LAMB1: variants seen among roughly 807,000 people sequenced by gnomAD.
LAMB1 encodes laminin subunit beta-1.
LAMB1 carries 121 observed loss-of-function variants against 222.3 expected under a neutral mutation model. The ratio of observed to expected loss-of-function variants is 0.54; its 90% CI spans 0.47 to 0.63. The LOEUF is 0.63. LAMB1 is among the 30% of genes least tolerant of loss of function. The pLI, the probability that LAMB1 is intolerant of heterozygous loss-of-function variation, is 0.00. For missense variants in LAMB1, 2,172 were observed against 2,240.8 expected, an observed-to-expected ratio of 0.97 and a Z score of 0.62; for synonymous variants, 794 against 807.2, an observed-to-expected ratio of 0.98 and a Z score of 0.28.
At chr7:108,000,606 T>C (rs1428880010) in intron 3 of LAMB1, among the ~76,000 whole-genome samples, 1 of 152,258 alleles carries the variant, frequency 6.6e-6, no homozygotes, top group African/African-American at 2.4e-5. Flanking sequence ...TGCAGTGGAC[T>C]GATTATCGCT....
chr7:107,932,809 T>G (rs881176), intron 27 of LAMB1, among the ~76,000 whole-genome samples: 99,120 of 151,652 alleles, frequency 0.65, 32,673 homozygotes, highest in East Asian at 0.85. Context: ...TATGGTGACA[T>G]AAAAGATCTA....
At chr7:107,989,381 T>C (rs1031019649) in intron 5 of LAMB1, among the ~76,000 whole-genome samples, 1 of 152,190 alleles carries the variant, frequency 6.6e-6, no homozygotes, top group Non-Finnish European at 1.5e-5. Flanking sequence ...AAACCAACGC[T>C]TGACAGAAAT....
rs779698227 is a variant in LAMB1, at chr7:108,002,869, A to G, written c.17T>C (p.Leu6Ser). 4.3e-6 allele frequency: 7 copies of G among 1,614,184 alleles called. No individual in the cohort carries two copies. Among genetic ancestry groups the G allele is most frequent in the Non-Finnish European group, 5.9e-6 (7 of 1,180,024 alleles). Residue 6 changes from leucine to serine, a missense_variant, in exon 2 of 34, where the codon TTG becomes TCG. Coordinates refer to ENST00000222399, the MANE Select transcript of LAMB1 (RefSeq NM_002291.3). ...ATTACCTAAGAAACTGAAAGCTAGC[A>G]ACTGGAGAAGCCCCATGCCGGCTCC... MGLLQ[L>S]LAFSFLALCR... is the part of the protein sequence containing the mutation.
chr7:108,002,232 C>A (rs2034404257), intron 2 of LAMB1: 1 of 1,334,194 alleles, frequency 7.5e-7, no homozygotes, highest in Non-Finnish European at 9.9e-7. Context: ...TGCGTGCACG[C>A]GCGAGGGTCA....
At chr7:107,997,955 T>TG (rs1368853515) in intron 4 of LAMB1, among the ~76,000 whole-genome samples, 2 of 151,716 alleles carry the variant, frequency 1.3e-5, no homozygotes, top group Non-Finnish European at 2.9e-5. Flanking sequence ...AGGAAGGCAG[T>TG]GGGGGGAGGA....
chr7:107,985,693 C>G (rs148468369), intron 7 of LAMB1, among the ~76,000 whole-genome samples: 1 of 151,790 alleles, frequency 6.6e-6, no homozygotes, highest in Non-Finnish European at 1.5e-5. Flanking sequence ...CGTGGTGGCT[C>G]ATGCCTGTAA....
chr7:107,945,704 G>A (rs189343886), intron 24 of LAMB1, among the ~76,000 whole-genome samples: 1 of 152,344 alleles, frequency 6.6e-6, no homozygotes, highest in African/African-American at 2.4e-5. Flanking sequence ...TCTGAGATTA[G>A]TCAAGTGTGA....
intron 2 of LAMB1, 59 bp downstream of exon 2, chr7:108,002,790 G>T: frequency 6.2e-7 from 1 of 1,611,434 alleles, no homozygotes; most frequent in Admixed American, 1.7e-5. Context: ...GCAGCTTTTG[G>T]GTTTTCCTTC....
At chr7:107,985,497 C>T (rs1185742305) in intron 7 of LAMB1, among the ~76,000 whole-genome samples, 1 of 151,818 alleles carries the variant, frequency 6.6e-6, no homozygotes, top group Non-Finnish European at 1.5e-5. Flanking sequence ...GGCATGGTGG[C>T]GGGCACCTGT....
At chr7:107,951,118 A>T (rs1212894380) in intron 24 of LAMB1, 108 bp downstream of exon 24, 1 of 747,824 alleles carries the variant, frequency 1.3e-6, no homozygotes, top group Non-Finnish European at 2.3e-6. Context: ...ACAGGTTCTT[A>T]TAGACACGTT....
chr7:107,929,483 C>G lies in LAMB1; in HGVS notation c.4674G>C (p.Glu1558Asp). The change falls in exon 30 of 34, where the codon GAG (glutamate) becomes GAC (aspartate). Residue 1558 changes from glutamate (E) to aspartate (D), a missense_variant. Coordinates refer to ENST00000222399, the MANE Select transcript of LAMB1 (RefSeq NM_002291.3). ...RERVESLSQVEVILQHSAADI... is the reference protein window; with the variant it reads ...RERVESLSQVDVILQHSAADI... ...CAGCAGCACTATGCTGAAGAATAAC[C>G]TCTACTTGAGAAAGGCTTTCAACTC... 6.2e-7 allele frequency: 1 copy of G among 1,614,126 alleles called. No homozygotes were observed.
chr7:107,980,994 A>C lies in LAMB1; in HGVS notation c.677-183T>G, dbSNP rs561204185. 9.2e-5 allele frequency among the ~76,000 whole-genome samples: 14 copies of C among 152,276 alleles called. No individual in the cohort carries two copies. The East Asian group carries it at 2.7e-3, about 29-fold the overall frequency. On this transcript the variant is annotated intron_variant, in intron 7 of 33. Coordinates refer to ENST00000222399, the MANE Select transcript of LAMB1 (RefSeq NM_002291.3). ...AACATAACATGACTGCAAAGAGGAA[A>C]GGTTACTGCCCTCTCATCAGTTTCA...
At chr7:107,933,344 G>T (rs1293223610) in intron 27 of LAMB1, among the ~76,000 whole-genome samples, 2 of 152,084 alleles carry the variant, frequency 1.3e-5, no homozygotes, top group Non-Finnish European at 2.9e-5. Flanking sequence ...GTACAAAAAA[G>T]TAGTTTTTAA....
chr7:107,935,786 T>G, intron 26 of LAMB1, 130 bp from the exon 27 acceptor site: 1 of 1,039,618 alleles, frequency 9.6e-7, no homozygotes, highest in Non-Finnish European at 1.4e-6. Flanking sequence ...AAAAAATATT[T>G]ATGAAGTACA....
intron 13 of LAMB1, among the ~76,000 whole-genome samples, chr7:107,970,427 G>C (rs917629952): frequency 1.5e-4 from 20 of 135,652 alleles, no homozygotes; most frequent in Admixed American, 1.4e-3. Flanking sequence ...GGCGGAGGTT[G>C]CAGTGAGCCA....
chr7:107,949,042 A>G (rs2033186725), intron 24 of LAMB1, among the ~76,000 whole-genome samples: 1 of 152,226 alleles, frequency 6.6e-6, no homozygotes, highest in Non-Finnish European at 1.5e-5. Flanking sequence ...TTTCCTGATG[A>G]AAAGTTTCTT....
At chr7:107,969,495 A>T (rs2033702086) in intron 13 of LAMB1, among the ~76,000 whole-genome samples, 1 of 152,210 alleles carries the variant, frequency 6.6e-6, no homozygotes, top group Non-Finnish European at 1.5e-5. Flanking sequence ...TCAGGGTGGC[A>T]TTCCTCCCCA....
intron 8 of LAMB1, among the ~76,000 whole-genome samples, chr7:107,978,937 T>A (rs1288536667): frequency 6.6e-6 from 1 of 151,972 alleles, no homozygotes; most frequent in Non-Finnish European, 1.5e-5. Context: ...TTAACAAGAG[T>A]TTCTACAGAA....
chr7:107,927,104 C>T (rs138140432), intron 31 of LAMB1, among the ~76,000 whole-genome samples: 31 of 152,118 alleles, frequency 2.0e-4, no homozygotes, highest in African/African-American at 6.5e-4. Context: ...GGTCTAATTA[C>T]ATAGAATTAA....
Sources: allele counts gnomAD v4.1 joint callset (sites outside exome capture counted in the v4.1 genomes callset), GRCh38; gene constraint gnomAD v4.1.1; transcripts MANE v1.5; gene names NCBI Gene and HGNC (gene_info 2026-07-23, HGNC 2026-07-21).